Variants in PAN2 observed in about 807,000 individuals in gnomAD.
PAN2 encodes poly(A) specific ribonuclease subunit PAN2, also known as PAN2-PAN3 deadenylation complex catalytic subunit PAN2.
Under a neutral mutation model 133.3 loss-of-function variants are expected in PAN2, and 68 were observed. That is an observed-to-expected ratio of 0.51 (90% CI 0.42 to 0.62). PAN2 has a LOEUF of 0.62. Ranked by LOEUF, PAN2 falls within the 20% of genes least tolerant of loss-of-function variation. The pLI, the probability that PAN2 is intolerant of heterozygous loss-of-function variation, is 0.00. For missense variants in PAN2, 1,042 were observed against 1,500.5 expected, an observed-to-expected ratio of 0.69 and a Z score of 5.05; for synonymous variants, 462 against 544.6, an observed-to-expected ratio of 0.85 and a Z score of 2.11.
Position 56,332,768 on chromosome 12 carries a change from G to C in PAN2, c.282+45C>G, listed in dbSNP as rs770167229. The C allele has an allele frequency of 2.5e-6, 4 of 1,589,856 alleles. No individual in the cohort carries two copies. In the Admixed American group the frequency reaches 5.1e-5, roughly 20 times the overall value. On this transcript the variant is annotated intron_variant, in intron 2 of 25. Transcript: ENST00000440411. ...CTTCCTTGGGTTAAGACCAGATAAAGACCTTCAACATCTTTCAACCCTCAC... is the reference window on the plus strand; with the variant it reads ...CTTCCTTGGGTTAAGACCAGATAAACACCTTCAACATCTTTCAACCCTCAC...
chr12:56,323,570 G>C lies in PAN2; in HGVS notation c.2201C>G (p.Pro734Arg). The C allele has an allele frequency of 6.2e-7, 1 of 1,614,146 alleles. No homozygotes were observed. The highest frequency in any genetic ancestry group is 8.5e-7 in the Non-Finnish European group (1 of 1,179,996). ...CTCACAATTGATGACAAGAATATCT[G>C]GCAGATGGCGGATGTTGCGGGTCTG... The part of the protein sequence containing the change: ...TIQTRNIRHL[P>R]DILVINCEVN... The change falls in exon 15 of 26, where the codon CCA (proline) becomes CGA (arginine). Residue 734 changes from proline to arginine, a missense_variant. By Grantham distance (103) the Pro-to-Arg change is moderately radical. Around this residue, in one of 3 missense-constraint regions of PAN2, gnomAD observed 908 missense variants for 1,223.5 expected, o/e 0.74. Transcript: ENST00000440411.
intron 10 of PAN2, 22 bp from the exon 11 acceptor site, chr12:56,324,731 C>A (rs758083807): frequency 1.2e-6 from 2 of 1,606,828 alleles, no homozygotes; most frequent in South Asian, 2.2e-5. Context: ...AGCAGAAGAA[C>A]TGATGTAGGA....
intron 2 of PAN2, among the ~76,000 whole-genome samples, chr12:56,331,575 T>G (rs1875846507): frequency 6.6e-6 from 1 of 152,200 alleles, no homozygotes; most frequent in Non-Finnish European, 1.5e-5. Flanking sequence ...TTAGCTTTAT[T>G]CACAGTGCCT....
chr12:56,332,959 A>T lies in PAN2; in HGVS notation c.136T>A (p.Leu46Met), dbSNP rs1442300914. ...GATTCCTGGACGGGAAGAGCCTCCA[A>T]GGCCACTCCCTCTGGGTCCAGCTCC... The part of the protein sequence containing the change: ...NVELDPEGVA[L>M]EALPVQESVH... The change falls in exon 2 of 26, where the codon TTG becomes ATG. Residue 46 changes from leucine to methionine, a missense_variant. Leu to Met is a conservative substitution (Grantham distance 15, BLOSUM62 2). Coordinates refer to ENST00000440411, the MANE Select transcript of PAN2 (RefSeq NM_014871.6). The T allele has an allele frequency of 1.9e-6, 3 of 1,614,048 alleles. No homozygotes were observed. Among genetic ancestry groups the T allele is most frequent in the African/African-American group, 1.3e-5 (1 of 74,906 alleles).
At position 56,332,935 on chromosome 12, in the gene PAN2, A is replaced by G. The variant is rs1876080758; in HGVS notation, c.160T>C (p.Ser54Pro). The G allele has an allele frequency of 4.3e-6, 7 of 1,614,060 alleles. No homozygotes were observed. Among genetic ancestry groups the G allele is most frequent in the African/African-American group, 1.3e-5 (1 of 74,914 alleles). Residue 54 changes from serine (S) to proline (P), a missense_variant, in exon 2 of 26, where the codon TCA becomes CCA. By Grantham distance (74) the Ser-to-Pro change is moderately conservative (BLOSUM62 -1). Coordinates refer to ENST00000440411, the MANE Select transcript of PAN2 (RefSeq NM_014871.6). ...VALEALPVQE[S>P]VHIMEGVYSE... ...TAGACACCTTCCATTATGTGCACTG[A>G]TTCCTGGACGGGAAGAGCCTCCAAG... is the stretch of plus-strand genomic sequence containing the variant.
In PAN2 at chr12:56,320,000, C is replaced by T. The variant is rs1278537444; in HGVS notation, c.2810G>A (p.Ser937Asn). 4 of 1,614,176 alleles carry T rather than the reference C, an allele frequency of 2.5e-6. No individual in the cohort carries two copies. The East Asian group carries it at 6.7e-5, about 27-fold the overall frequency. ...CAGCGAGGCTTCAGCCAGCAAGACA[C>T]TTGCCTCAATAGGGTTCTTGACTAG... is the stretch of plus-strand genomic sequence containing the variant. ...NLNIKNPIEA[S>N]VLLAEASLAR... Residue 937 changes from serine (S) to asparagine (N), a missense_variant, in exon 21 of 26, where the codon AGT (serine) becomes AAT (asparagine). By Grantham distance (46) the Ser-to-Asn change is conservative. Around this residue, in one of 3 missense-constraint regions of PAN2, gnomAD observed 908 missense variants for 1,223.5 expected, o/e 0.74. Transcript: ENST00000440411. This position sits in a 1 kb window ranked among gnomAD's most constrained non-coding sequence, Gnocchi z 5.4.
intron 24 of PAN2, chr12:56,318,675 C>T: frequency 2.0e-6 from 1 of 498,998 alleles, no homozygotes; most frequent in South Asian, 3.3e-5. Flanking sequence ...CCTACTTTTT[C>T]TTTTCCCCCC....
At chr12:56,330,390 C>A (rs1212731267) in intron 2 of PAN2, among the ~76,000 whole-genome samples, 18 of 109,064 alleles carry the variant, frequency 1.7e-4, no homozygotes, top group Non-Finnish European at 2.6e-4. Context: ...GACGGAGTCT[C>A]GCTCTGTCGC....
intron 2 of PAN2, among the ~76,000 whole-genome samples, chr12:56,331,286 A>C (rs1875811166): frequency 6.6e-6 from 1 of 152,130 alleles, no homozygotes; most frequent in Admixed American, 6.6e-5. Flanking sequence ...GTAGTTCCTG[A>C]ATTTTGTACT....
At position 56,323,168 on chromosome 12, in the gene PAN2, G is replaced by T. The variant is rs758303530; in HGVS notation, c.2387C>A (p.Ser796Tyr). The T allele has an allele frequency of 6.2e-7, 1 of 1,614,154 alleles. No homozygotes were observed. The highest frequency in any genetic ancestry group is 1.1e-5 in the South Asian group (1 of 91,076). Residue 796 changes from serine to tyrosine, a missense_variant, in exon 17 of 26, where the codon TCC (serine) becomes TAC (tyrosine). This residue lies in a region of PAN2 where 908 missense variants were observed against 1,223.5 expected (regional missense o/e 0.74). Coordinates refer to ENST00000440411, the MANE Select transcript of PAN2 (RefSeq NM_014871.6). ...GSPEGVLVCP[S>Y]IEELKNVWLP... is the part of the protein sequence containing the mutation. ...CCAGACGTTCTTCAACTCCTCAATG[G>T]AGGGACACACCAGCACACCCTCTGG...
chr12:56,322,857 G>C (rs1874714065), intron 17 of PAN2, 99 bp from the exon 18 acceptor site: 1 of 1,302,328 alleles, frequency 7.7e-7, no homozygotes, highest in Non-Finnish European at 1.1e-6. Context: ...GGGGGATGGG[G>C]GACCAGGGTG....
At chr12:56,325,275 A>G in intron 9 of PAN2, 60 bp downstream of exon 9, 1 of 1,605,868 alleles carries the variant, frequency 6.2e-7, no homozygotes. Flanking sequence ...CCTTTCTCAT[A>G]TGACTTCCTT....
Position 56,319,541 on chromosome 12 carries a change from C to T in PAN2, c.3091-54G>A, listed in dbSNP as rs1874256494. ...TTCAGGAAGTGAGATGGAGTCTTCC[C>T]CTATCACTCTTCCCTGGGTTCTTGA... On this transcript the variant is annotated intron_variant, in intron 22 of 25. Transcript: ENST00000440411. The surrounding 1 kb of genome is among the most constrained non-coding windows in gnomAD (Gnocchi z 5.4). The T allele has an allele frequency of 6.3e-7, 1 of 1,592,312 alleles. No individual in the cohort carries two copies. The highest frequency in any genetic ancestry group is 1.1e-5 in the South Asian group (1 of 87,802).
chr12:56,328,638 G>T lies in PAN2; in HGVS notation c.286C>A (p.His96Asn). Residue 96 changes from histidine (H) to asparagine (N), a missense_variant, in exon 3 of 26, where the codon CAT becomes AAT. Coordinates refer to ENST00000440411, the MANE Select transcript of PAN2 (RefSeq NM_014871.6). ...EMLWVGSHGGHATSFFGPALE... is the reference protein window; with the variant it reads ...EMLWVGSHGGNATSFFGPALE... ...GCTGGGCCAAAAAATGAAGTGGCAT[G>T]GCCCTATAGAGGACAAAGACAACAG... 6.2e-7 allele frequency: 1 copy of T among 1,613,896 alleles called. No individual in the cohort carries two copies.
intron 9 of PAN2, 50 bp downstream of exon 9, chr12:56,325,285 T>C (rs1203894841): frequency 8.1e-6 from 13 of 1,609,758 alleles, no homozygotes; most frequent in Non-Finnish European, 1.1e-5. Context: ...ATGACTTCCT[T>C]CCCAGGGTAC....
At chr12:56,327,270 C>A (rs186114521) in intron 6 of PAN2, 94 bp downstream of exon 6, 1 of 1,373,400 alleles carries the variant, frequency 7.3e-7, no homozygotes, top group South Asian at 1.3e-5. Flanking sequence ...TACTTCTTTC[C>A]CCAACAAAGA....
rs186505267 is a variant in PAN2 at position 56,333,843 on chromosome 12, A to T, written c.-115+19T>A. 2.6e-5 allele frequency: 4 copies of T among 152,296 alleles called. No individual in the cohort carries two copies. Among genetic ancestry groups the T allele is most frequent in the Non-Finnish European group, 1.5e-5 (1 of 68,048 alleles). The allele number at this position is 152,296 out of a possible 1,614,324, so 9.4% of individuals were successfully genotyped here. A position where few individuals can be genotyped will look rare whatever the true frequency, so the allele number is the denominator to read the frequency against. On this transcript the variant is annotated intron_variant, in intron 1 of 25. Coordinates refer to ENST00000440411, the MANE Select transcript of PAN2 (RefSeq NM_014871.6). The stretch of plus-strand genomic sequence containing the variant: ...GGTCAGATGTGTTCCTGGGATGCTT[A>T]CGGGGAATGGGTCATTACCAAGATT...
In PAN2 at chr12:56,324,088, C is replaced by T; in HGVS notation, c.2026G>A (p.Ala676Thr). The T allele has an allele frequency of 1.2e-6, 2 of 1,614,144 alleles. No homozygotes were observed. Among genetic ancestry groups the T allele is most frequent in the East Asian group, 2.2e-5 (1 of 44,874 alleles). ...AGTGTGAAAAGCAGAGTGGATGAGG[C>T]TCGCACGGTCTCACTGCCACAGCGG... is the stretch of plus-strand genomic sequence containing the variant. ...LCRCGSETVR[A>T]SSTLLFTLSY... The change falls in exon 13 of 26, where the codon GCC becomes ACC. Residue 676 changes from alanine to threonine, a missense_variant. By Grantham distance (58) the Ala-to-Thr change is moderately conservative. Transcript: ENST00000440411.
chr12:56,320,921 G>A (rs1011315665), intron 20 of PAN2, among the ~76,000 whole-genome samples: 16 of 150,772 alleles, frequency 1.1e-4, no homozygotes, highest in African/African-American at 2.4e-5. Flanking sequence ...AAAATTAGCC[G>A]GACATGGTGG....
Sources: gnomAD v4.1 joint callset for allele counts (sites outside exome capture counted in the v4.1 genomes callset) on GRCh38, gnomAD v4.1.1 for gene constraint, gnomAD v4.1.1 regional missense constraint, Gnocchi (gnomAD v3.1) non-coding constraint, MANE v1.5 for transcripts, NCBI Gene and HGNC (gene_info 2026-07-23, HGNC 2026-07-21) for gene names.